Variants in MMP16 observed in about 807,000 individuals in gnomAD.
MMP16 encodes the protein matrix metalloproteinase-16.
In MMP16, 12 loss-of-function variants were observed where a neutral mutation model predicts 67.8. The observed-to-expected ratio is 0.18, with a 90% CI of 0.11 to 0.29. MMP16 has a LOEUF of 0.29. MMP16 is among the 10% of genes least tolerant of loss of function. The probability of loss-of-function intolerance (pLI) is 1.00; values close to 1 mark genes in which losing one functional copy is unlikely to be tolerated. For missense variants in MMP16, 475 were observed against 765.7 expected (o/e 0.62, Z 4.48); for synonymous variants, 249 against 255.9 (o/e 0.97, Z 0.26).
At chr8:88,229,189 A>G (rs1809818201) in intron 1 of MMP16, among the ~76,000 whole-genome samples, 1 of 152,070 alleles carries the variant, frequency 6.6e-6, no homozygotes, top group Non-Finnish European at 1.5e-5. Flanking sequence ...GTGATATGAT[A>G]AAACTGTTGT....
At chr8:88,240,200 C>G (rs1563571325) in intron 1 of MMP16, among the ~76,000 whole-genome samples, 1 of 152,208 alleles carries the variant, frequency 6.6e-6, no homozygotes, top group Non-Finnish European at 1.5e-5. Flanking sequence ...GTCAACTGGT[C>G]ACTAACCATC....
At chr8:88,171,261 A>G (rs1009380682) in intron 3 of MMP16, among the ~76,000 whole-genome samples, 1 of 152,232 alleles carries the variant, frequency 6.6e-6, no homozygotes, top group African/African-American at 2.4e-5. Context: ...TAGTAAATAC[A>G]AGATACCTGT....
chr8:88,267,059 A>G (rs1387097494), intron 1 of MMP16, among the ~76,000 whole-genome samples: 1 of 152,180 alleles, frequency 6.6e-6, no homozygotes, highest in Non-Finnish European at 1.5e-5. Context: ...GACAACTAAG[A>G]TGTCATTCTT....
chr8:88,141,130 T>C (rs992375527), intron 4 of MMP16, among the ~76,000 whole-genome samples: 6 of 152,142 alleles, frequency 3.9e-5, no homozygotes, highest in Non-Finnish European at 1.5e-5. Flanking sequence ...TAATTTCTTG[T>C]GAAAAAAGTT....
At chr8:88,086,384 C>G (rs1159868590) in intron 6 of MMP16, among the ~76,000 whole-genome samples, 1 of 151,860 alleles carries the variant, frequency 6.6e-6, no homozygotes, top group Non-Finnish European at 1.5e-5. Flanking sequence ...TAGCAAGGTG[C>G]TCTATTAAGT....
chr8:88,049,128 G>A (rs1311782281), intron 8 of MMP16, among the ~76,000 whole-genome samples: 3 of 152,144 alleles, frequency 2.0e-5, no homozygotes, highest in Non-Finnish European at 4.4e-5. Context: ...TCATCACATC[G>A]AAGATGAGAA....
At chr8:88,210,603 T>A (rs1809498525) in intron 1 of MMP16, among the ~76,000 whole-genome samples, 1 of 152,030 alleles carries the variant, frequency 6.6e-6, no homozygotes, top group Non-Finnish European at 1.5e-5. Context: ...GGATAACAAA[T>A]CTCATTTTAT....
intron 1 of MMP16, among the ~76,000 whole-genome samples, chr8:88,239,720 A>G (rs1049930699): frequency 1.3e-5 from 2 of 152,200 alleles, no homozygotes; most frequent in Non-Finnish European, 2.9e-5. Flanking sequence ...ATGACATAAC[A>G]TGAATGCTTT....
chr8:88,247,328 T>C (rs1586224753), intron 1 of MMP16, among the ~76,000 whole-genome samples: 1 of 152,168 alleles, frequency 6.6e-6, no homozygotes, highest in African/African-American at 2.4e-5. Context: ...ACTTTCTATC[T>C]TGTCCTTTTG....
intron 6 of MMP16, among the ~76,000 whole-genome samples, chr8:88,085,658 C>A (rs1808821902): frequency 6.6e-6 from 1 of 151,662 alleles, no homozygotes; most frequent in African/African-American, 2.4e-5. Flanking sequence ...CTGAAATTTC[C>A]CTTAATGTCT....
intron 3 of MMP16, among the ~76,000 whole-genome samples, chr8:88,179,663 T>G (rs572902315): frequency 6.6e-6 from 1 of 152,252 alleles, no homozygotes; most frequent in South Asian, 2.1e-4. Context: ...AAATGAATAA[T>G]GAGAATATTC....
intron 1 of MMP16, among the ~76,000 whole-genome samples, chr8:88,215,992 G>T (rs537434486): frequency 1.9e-4 from 29 of 152,258 alleles, no homozygotes; most frequent in African/African-American, 3.6e-4. Context: ...TATTTGGTAT[G>T]ATTTTACATA....
chr8:88,245,122 C>A (rs772764958), intron 1 of MMP16, among the ~76,000 whole-genome samples: 1 of 152,108 alleles, frequency 6.6e-6, no homozygotes, highest in Non-Finnish European at 1.5e-5. Flanking sequence ...TTCTCTCAAC[C>A]CTGAATTGTT....
intron 1 of MMP16, among the ~76,000 whole-genome samples, chr8:88,287,753 G>A (rs1284942483): frequency 6.6e-6 from 1 of 152,142 alleles, no homozygotes; most frequent in East Asian, 1.9e-4. Context: ...AACATTTATT[G>A]ATCACTTCCT....
intron 4 of MMP16, among the ~76,000 whole-genome samples, chr8:88,153,566 C>T (rs202177759): frequency 2.6e-5 from 4 of 151,838 alleles, no homozygotes; most frequent in African/African-American, 4.8e-5. Flanking sequence ...ACACCGCACA[C>T]CTACAACTAT....
chr8:88,107,569 G>A (rs1024037014), intron 6 of MMP16, among the ~76,000 whole-genome samples: 4 of 151,050 alleles, frequency 2.6e-5, no homozygotes, highest in Non-Finnish European at 5.9e-5. Context: ...TGGATACAAA[G>A]AGTCAAAATT....
At chr8:88,199,449 G>A (rs1809306468) in intron 1 of MMP16, among the ~76,000 whole-genome samples, 1 of 151,922 alleles carries the variant, frequency 6.6e-6, no homozygotes, top group South Asian at 2.1e-4. Flanking sequence ...TACTGGGAAA[G>A]CTATGAGTTC....
chr8:88,265,231 T>C (rs1303458690), intron 1 of MMP16, among the ~76,000 whole-genome samples: 1 of 143,436 alleles, frequency 7.0e-6, no homozygotes. Flanking sequence ...TCCTTTTTTT[T>C]TTTTTTTTTT....
At chr8:88,271,770 G>T (rs1224095922) in intron 1 of MMP16, among the ~76,000 whole-genome samples, 1 of 152,222 alleles carries the variant, frequency 6.6e-6, no homozygotes, top group Non-Finnish European at 1.5e-5. Flanking sequence ...TTGAGTCCCA[G>T]TTAGAAAACA....
Sources: allele counts gnomAD v4.1 joint callset (sites outside exome capture counted in the v4.1 genomes callset), GRCh38; gene constraint gnomAD v4.1.1; transcripts MANE v1.5; gene names NCBI Gene and HGNC (gene_info 2026-07-23, HGNC 2026-07-21).